Variants in SLC9A4 observed in about 807,000 individuals in gnomAD.
SLC9A4 encodes solute carrier family 9 member A4.
A neutral mutation model predicts 67.4 loss-of-function variants in SLC9A4; 63 were observed. That is an observed-to-expected ratio of 0.93 (90% CI 0.76 to 1.15). The LOEUF (loss-of-function observed/expected upper bound fraction) is 1.15, where lower values mean the gene tolerates loss of function less well. SLC9A4 is among the 50% of genes most tolerant of loss of function. The pLI, the probability that SLC9A4 is intolerant of heterozygous loss-of-function variation, is 0.00. For synonymous variants in SLC9A4, 393 were observed against 367.2 expected, an observed-to-expected ratio of 1.07 and a Z score of -0.80; for missense variants, 1,089 against 987.7, an observed-to-expected ratio of 1.10 and a Z score of -1.38.
At chr2:102,497,134 T>G (rs540960377) in intron 2 of SLC9A4, among the ~76,000 whole-genome samples, 1 of 152,222 alleles carries the variant, frequency 6.6e-6, no homozygotes, top group Admixed American at 6.5e-5. Context: ...GGTTTCACCA[T>G]GTAAGCCAGG....
chr2:102,486,568 T>A (rs1327523734), intron 2 of SLC9A4, among the ~76,000 whole-genome samples: 1 of 152,154 alleles, frequency 6.6e-6, no homozygotes, highest in African/African-American at 2.4e-5. Context: ...ATTCCAAGGA[T>A]GGGAGCCAAG....
intron 11 of SLC9A4, among the ~76,000 whole-genome samples, chr2:102,531,902 G>A (rs1397787650): frequency 6.6e-6 from 1 of 152,200 alleles, no homozygotes; most frequent in Admixed American, 6.5e-5. Context: ...ATGCTTTCTG[G>A]TAACCACTGA....
chr2:102,495,954 G>A (rs1257769692), intron 2 of SLC9A4, among the ~76,000 whole-genome samples: 4 of 151,848 alleles, frequency 2.6e-5, no homozygotes, highest in African/African-American at 9.7e-5. Flanking sequence ...TAGAAACAAA[G>A]ACTTTTTGAC....
intron 2 of SLC9A4, among the ~76,000 whole-genome samples, chr2:102,491,856 C>A (rs911208683): frequency 1.3e-5 from 2 of 152,134 alleles, no homozygotes; most frequent in African/African-American, 2.4e-5. Context: ...CACCTATGAC[C>A]CTGTAAAATC....
intron 1 of SLC9A4, among the ~76,000 whole-genome samples, chr2:102,474,394 C>T (rs1684283931): frequency 6.6e-6 from 1 of 152,176 alleles, no homozygotes; most frequent in Non-Finnish European, 1.5e-5. Context: ...AATGTTTCTT[C>T]TGTAAAATAT....
chr2:102,476,567 C>T (rs1290177904), intron 1 of SLC9A4, among the ~76,000 whole-genome samples: 1 of 152,184 alleles, frequency 6.6e-6, no homozygotes, highest in Non-Finnish European at 1.5e-5. Flanking sequence ...CAGGGCCAAA[C>T]TGGGGAGCCA....
intron 2 of SLC9A4, among the ~76,000 whole-genome samples, chr2:102,500,078 T>C (rs1397048309): frequency 6.6e-6 from 1 of 152,162 alleles, no homozygotes; most frequent in Admixed American, 6.5e-5. Context: ...GGAAACAGTG[T>C]CTTTACAGTT....
intron 2 of SLC9A4, among the ~76,000 whole-genome samples, chr2:102,501,223 G>A (rs1472233053): frequency 6.6e-6 from 1 of 152,050 alleles, no homozygotes; most frequent in African/African-American, 2.4e-5. Context: ...CCGGGTTCGA[G>A]CAATTCTCCT....
intron 4 of SLC9A4, among the ~76,000 whole-genome samples, chr2:102,506,432 AGAG>A (rs920770070): frequency 2.6e-5 from 4 of 152,240 alleles, no homozygotes; most frequent in Non-Finnish European, 4.4e-5. Context: ...TTTAGGCTCT[AGAG>A]GAGATTAACA....
At chr2:102,528,728 A>T (rs1483089148) in intron 11 of SLC9A4, among the ~76,000 whole-genome samples, 1 of 152,194 alleles carries the variant, frequency 6.6e-6, no homozygotes, top group Non-Finnish European at 1.5e-5. Flanking sequence ...TTATTCCAGA[A>T]TTTGAGAGTT....
At chr2:102,507,067 C>A (rs1011550345) in intron 4 of SLC9A4, among the ~76,000 whole-genome samples, 1 of 152,028 alleles carries the variant, frequency 6.6e-6, no homozygotes, top group Middle Eastern at 3.2e-3. Context: ...ATTTATTTAA[C>A]CCTTACATTC....
intron 2 of SLC9A4, among the ~76,000 whole-genome samples, chr2:102,501,992 T>C (rs569968855): frequency 4.6e-5 from 7 of 152,272 alleles, no homozygotes; most frequent in African/African-American, 1.2e-4. Context: ...AGTCCATCTA[T>C]GCTTCTGCAG....
chr2:102,481,453 T>C (rs1054187118), intron 2 of SLC9A4, among the ~76,000 whole-genome samples: 2 of 152,210 alleles, frequency 1.3e-5, no homozygotes, highest in Non-Finnish European at 2.9e-5. Flanking sequence ...GCTGATGTCC[T>C]TTCTGGGTTG....
rs1448827154 is a variant in SLC9A4 at position 102,474,579 on chromosome 2, G to C, written c.256+564G>C. On this transcript the variant is annotated intron_variant, in intron 1 of 11. Coordinates refer to ENST00000295269, the MANE Select transcript of SLC9A4 (RefSeq NM_001011552.4). ...GATTATATCTGTCAGTAAAATATTA[G>C]TTTATACCTACCAAGTGGGGCCAGT... is the stretch of plus-strand genomic sequence containing the variant. 1.3e-5 allele frequency among the ~76,000 whole-genome samples: 2 copies of C among 152,174 alleles called. 1 individual carries two copies. Among genetic ancestry groups the C allele is most frequent in the South Asian group, 4.1e-4 (2 of 4,828 alleles).
intron 11 of SLC9A4, among the ~76,000 whole-genome samples, chr2:102,529,820 G>A (rs540646902): frequency 6.6e-6 from 1 of 152,214 alleles, no homozygotes; most frequent in Non-Finnish European, 1.5e-5. Flanking sequence ...TTCTTGTTCT[G>A]GATGTCTTGG....
rs1684266620 is a variant in SLC9A4 at position 102,473,644 on chromosome 2, A to T, written c.-116A>T. 2 of 1,306,796 alleles carry T rather than the reference A, an allele frequency of 1.5e-6. No individual in the cohort carries two copies. The highest frequency in any genetic ancestry group is 4.3e-5 in the Admixed American group (2 of 46,200). 81.0% of individuals were successfully genotyped at this position (1,306,796 alleles called of 1,614,324 possible). A position where few individuals can be genotyped will look rare whatever the true frequency, so the allele number is the denominator to read the frequency against. On this transcript the variant is annotated 5_prime_UTR_variant, in exon 1 of 12. Coordinates refer to ENST00000295269, the MANE Select transcript of SLC9A4 (RefSeq NM_001011552.4). ...GGAATCTTCTTGGGAGGACCCACAG[A>T]CTGTACCTATATTACTTTTGACCCA...
intron 8 of SLC9A4, among the ~76,000 whole-genome samples, chr2:102,518,498 G>C (rs1685324953): frequency 1.3e-5 from 2 of 152,086 alleles, no homozygotes; most frequent in African/African-American, 4.8e-5. Flanking sequence ...CACCAAGGGT[G>C]GTAACTGTAT....
At chr2:102,491,502 G>A (rs889840991) in intron 2 of SLC9A4, among the ~76,000 whole-genome samples, 3 of 152,014 alleles carry the variant, frequency 2.0e-5, no homozygotes, top group Admixed American at 6.6e-5. Flanking sequence ...GCAGGCAAGA[G>A]AGCATGTACA....
intron 3 of SLC9A4, among the ~76,000 whole-genome samples, 189 bp from the exon 4 acceptor site, chr2:102,505,065 A>G (rs1410740858): frequency 6.7e-6 from 1 of 148,354 alleles, no homozygotes; most frequent in Admixed American, 6.6e-5. Flanking sequence ...TTACCTTGTA[A>G]AGATCTCTTA....
Sources: gnomAD v4.1 joint callset for allele counts (sites outside exome capture counted in the v4.1 genomes callset) on GRCh38, gnomAD v4.1.1 for gene constraint, MANE v1.5 for transcripts, NCBI Gene and HGNC (gene_info 2026-07-23, HGNC 2026-07-21) for gene names.